The following MGRN1 variants were observed in gnomAD, a reference collection of about 807,000 sequenced individuals.
The protein encoded by MGRN1 is mahogunin ring finger 1.
In MGRN1, 29 loss-of-function variants were observed where a neutral mutation model predicts 69.2. The observed-to-expected ratio is 0.42, with a 90% confidence interval of 0.31 to 0.57. The LOEUF is 0.57. MGRN1 is among the 20% of genes least tolerant of loss of function. The pLI, the probability that MGRN1 is intolerant of heterozygous loss-of-function variation, is 0.15. For missense variants in MGRN1, 998 were observed against 796.2 expected (o/e 1.25, Z -3.05); for synonymous variants, 470 against 344.2 (o/e 1.37, Z -4.04).
At position 4,638,626 on chromosome 16, in the gene MGRN1, C is replaced by A. The variant is rs542626831; in HGVS notation, c.89-11739C>A. ...ACTCGAAGGCTGTGGGGCTGCCACCCCCTCTGGCCTCCCACCTGGTGGGGG... is the reference window on the plus strand; with the variant it reads ...ACTCGAAGGCTGTGGGGCTGCCACCACCTCTGGCCTCCCACCTGGTGGGGG... On this transcript the variant is annotated intron_variant, in intron 1 of 16. Coordinates refer to ENST00000262370, the MANE Select transcript of MGRN1 (RefSeq NM_015246.4). 3.9e-5 allele frequency among the ~76,000 whole-genome samples: 6 copies of A among 152,314 alleles called. No individual in the cohort carries two copies. The East Asian group carries it at 1.2e-3, about 29-fold the overall frequency.
Position 4,665,169 on chromosome 16 carries a change from A to G in MGRN1, c.678+18A>G. The stretch of plus-strand genomic sequence containing the variant: ...TTGAAAAGGTAAGTGCCATCTGGCC[A>G]TCACTTTCCCGGGGACCTGGGAGCT... On this transcript the variant is annotated intron_variant, in intron 7 of 16. Coordinates refer to ENST00000262370, the MANE Select transcript of MGRN1 (RefSeq NM_015246.4). 6.2e-7 allele frequency: 1 copy of G among 1,614,088 alleles called. No individual in the cohort carries two copies. The highest frequency in any genetic ancestry group is 1.1e-5 in the South Asian group (1 of 91,068).
At chr16:4,665,024 C>G in intron 6 of MGRN1, 78 bp from the exon 7 acceptor site, 1 of 1,544,002 alleles carries the variant, frequency 6.5e-7, no homozygotes, top group Non-Finnish European at 8.9e-7. Flanking sequence ...TGCCGCAGGC[C>G]TACCAGGGTC....
At chr16:4,645,874 G>A (rs1262723445) in intron 1 of MGRN1, among the ~76,000 whole-genome samples, 1 of 152,192 alleles carries the variant, frequency 6.6e-6, no homozygotes, top group Non-Finnish European at 1.5e-5. Flanking sequence ...GATGTGGGGA[G>A]GCTGGTGAAT....
At chr16:4,643,172 T>C (rs1486037997) in intron 1 of MGRN1, among the ~76,000 whole-genome samples, 1 of 151,946 alleles carries the variant, frequency 6.6e-6, no homozygotes, top group Non-Finnish European at 1.5e-5. Context: ...GCCAGGCTGG[T>C]CTCAATCTCG....
At chr16:4,671,504 C>A in intron 9 of MGRN1, 45 bp downstream of exon 9, 1 of 1,582,168 alleles carries the variant, frequency 6.3e-7, no homozygotes, top group Non-Finnish European at 8.7e-7. Flanking sequence ...CAGAAGCCCA[C>A]ACCAGGAGCA....
chr16:4,688,280 C>T (rs2079379254), intron 16 of MGRN1: 1 of 986,172 alleles, frequency 1.0e-6, no homozygotes, highest in South Asian at 4.7e-5. Flanking sequence ...GTCGTGCAGG[C>T]CACAGTCTGG....
chr16:4,668,613 CACAT>C (rs984119160), intron 8 of MGRN1, among the ~76,000 whole-genome samples: 30 of 142,066 alleles, frequency 2.1e-4, no homozygotes, highest in Non-Finnish European at 1.1e-4. Flanking sequence ...CACTCACACT[CACAT>C]GCAGTCATTC....
intron 1 of MGRN1, among the ~76,000 whole-genome samples, chr16:4,648,294 C>G (rs113528055): frequency 0.013 from 1,634 of 123,302 alleles, 11 homozygotes; most frequent in South Asian, 0.024. Context: ...GGTCACCCGG[C>G]TCCTCCTCCC....
At chr16:4,646,874 C>G (rs2078285580) in intron 1 of MGRN1, among the ~76,000 whole-genome samples, 1 of 152,168 alleles carries the variant, frequency 6.6e-6, no homozygotes, top group African/African-American at 2.4e-5. Context: ...GACCAGGGAC[C>G]TGTCTCCTGC....
At chr16:4,652,593 C>T (rs1451569100) in intron 3 of MGRN1, 85 bp from the exon 4 acceptor site, 5 of 1,487,978 alleles carry the variant, frequency 3.4e-6, no homozygotes, top group Middle Eastern at 1.9e-4. Context: ...GCCACCTCCA[C>T]GGCCCCTCAG....
intron 4 of MGRN1, among the ~76,000 whole-genome samples, 187 bp downstream of exon 4, chr16:4,653,011 G>A (rs1425702439): frequency 6.6e-6 from 1 of 152,136 alleles, no homozygotes; most frequent in African/African-American, 2.4e-5. Flanking sequence ...GCGGGAACCA[G>A]CTGGGGTCCT....
Position 4,648,368 on chromosome 16 carries a change from C to T in MGRN1, c.89-1997C>T, listed in dbSNP as rs1302837078. ...GGACTCTTCCCGTGGTCACCCGGCTCCTCCTCCCGGGGACTCTTCCCGTGG... is the reference window on the plus strand; with the variant it reads ...GGACTCTTCCCGTGGTCACCCGGCTTCTCCTCCCGGGGACTCTTCCCGTGG... On this transcript the variant is annotated intron_variant, in intron 1 of 16. Transcript: ENST00000262370. Among the ~76,000 whole-genome samples the T allele has an allele frequency of 5.2e-5, 7 of 134,748 alleles. 1 individual carries two copies. Among genetic ancestry groups the T allele is most frequent in the African/African-American group, 2.2e-4 (7 of 31,722 alleles). The allele number at this position is 134,748 out of a possible 152,430, so 88.4% of individuals were successfully genotyped here.
intron 8 of MGRN1, among the ~76,000 whole-genome samples, chr16:4,668,705 C>T (rs1358483948): frequency 1.3e-5 from 2 of 150,616 alleles, no homozygotes; most frequent in African/African-American, 5.0e-5. Context: ...TACACACATA[C>T]ACTCACACTC....
rs2078760699 is a variant in MGRN1 at position 4,664,743 on chromosome 16, T to C, written c.596T>C (p.Val199Ala). Reference protein sequence around the residue: ...NFDLDRGVFPVVIQAVVDEGD... With the variant: ...NFDLDRGVFPAVIQAVVDEGD... ...GACCTGGACCGGGGCGTGTTTCCAG[T>C]AGTCATCCAGGCTGTGGTGGACGAA... Residue 199 changes from valine (V) to alanine (A), a missense_variant, in exon 6 of 17, where the codon GTA (valine) becomes GCA (alanine). Transcript: ENST00000262370. 1.2e-6 allele frequency: 2 copies of C among 1,614,074 alleles called. No homozygotes were observed. Among genetic ancestry groups the C allele is most frequent in the Non-Finnish European group, 1.7e-6 (2 of 1,180,038 alleles).
At chr16:4,673,239 A>G (rs974779474) in intron 9 of MGRN1, among the ~76,000 whole-genome samples, 2 of 152,136 alleles carry the variant, frequency 1.3e-5, no homozygotes, top group African/African-American at 4.8e-5. Flanking sequence ...TTAGGTCTGA[A>G]GAACAGAAAG....
In MGRN1 at chr16:4,673,652, G is replaced by A; in HGVS notation, c.950G>A (p.Arg317Gln). Residue 317 changes from arginine (R) to glutamine (Q), a missense_variant, in exon 10 of 17, where the codon CGG (arginine) becomes CAG (glutamine). Transcript: ENST00000262370. ...RYQANNCPIC[R>Q]LPFRALLQIR... Reference sequence around the variant, plus strand: ...CAGGCCAACAACTGCCCCATCTGCCGGCTGCGTGAGTTCCCCGGCCGGCTG... The same window carrying A: ...CAGGCCAACAACTGCCCCATCTGCCAGCTGCGTGAGTTCCCCGGCCGGCTG... 1.9e-6 allele frequency: 3 copies of A among 1,612,842 alleles called. No homozygotes were observed. Among genetic ancestry groups the A allele is most frequent in the Non-Finnish European group, 2.5e-6 (3 of 1,179,672 alleles).
At chr16:4,655,309 C>T (rs2078508675) in intron 4 of MGRN1, among the ~76,000 whole-genome samples, 1 of 152,172 alleles carries the variant, frequency 6.6e-6, no homozygotes, top group South Asian at 2.1e-4. Context: ...CCCGCTGCTA[C>T]CAGAAAGGCT....
chr16:4,625,395 T>A (rs917916738), intron 1 of MGRN1, among the ~76,000 whole-genome samples: 6 of 152,312 alleles, frequency 3.9e-5, no homozygotes, highest in Admixed American at 3.9e-4. Flanking sequence ...GCGCATCGCT[T>A]CTGCCTAGAA....
chr16:4,661,363 C>T (rs1051988752), intron 5 of MGRN1, among the ~76,000 whole-genome samples: 11 of 152,248 alleles, frequency 7.2e-5, no homozygotes, highest in African/African-American at 2.7e-4. Context: ...CTTTCGCACC[C>T]TTTTCTCCTG....
Sources: gnomAD v4.1 joint callset for allele counts (sites outside exome capture counted in the v4.1 genomes callset) on GRCh38, gnomAD v4.1.1 for gene constraint, MANE v1.5 for transcripts, NCBI Gene and HGNC (gene_info 2026-07-23, HGNC 2026-07-21) for gene names.